Variants in GPM6B observed in about 807,000 individuals in gnomAD.
GPM6B encodes glycoprotein M6B, also known as neuronal membrane glycoprotein M6-b.
A neutral mutation model predicts 27.2 loss-of-function variants in GPM6B; 4 were observed. That is an observed-to-expected ratio of 0.15 (90% CI 0.07 to 0.34). The LOEUF (loss-of-function observed/expected upper bound fraction) is 0.34. Ranked by LOEUF, GPM6B falls within the 10% of genes least tolerant of loss-of-function variation. GPM6B has a pLI of 1.00. For missense variants in GPM6B, 183 were observed against 261.9 expected, an observed-to-expected ratio of 0.70 and a Z score of 2.08; for synonymous variants, 124 against 103.1, an observed-to-expected ratio of 1.20 and a Z score of -1.23.
At chrX:13,894,898 C>CCCCTATCTCTT (rs1398524971) in intron 1 of GPM6B, among the ~76,000 whole-genome samples, 1 of 111,867 alleles carries the variant, frequency 8.9e-6, no homozygotes, top group Non-Finnish European at 1.9e-5. Flanking sequence ...CCATACACTC[C>CCCCTATCTCTT]CCCTATCTCT....
At chrX:13,801,459 C>T (rs189692865) in intron 2 of GPM6B, among the ~76,000 whole-genome samples, 199 of 112,378 alleles carry the variant, frequency 1.8e-3, no homozygotes, top group Non-Finnish European at 3.2e-3. Context: ...CATTTTGACA[C>T]ACTTTGCAAA....
upstream of GPM6B, among the ~76,000 whole-genome samples, chrX:13,818,859 C>A (rs1481296372): frequency 8.9e-6 from 1 of 112,542 alleles, no homozygotes; most frequent in Non-Finnish European, 1.9e-5. Context: ...GCTTTCCCAG[C>A]AGTTCAAATG....
chrX:13,808,399 G>C (rs1242797540), intron 1 of GPM6B, among the ~76,000 whole-genome samples: 4 of 112,196 alleles, frequency 3.6e-5, no homozygotes, highest in African/African-American at 1.3e-4. Context: ...TCGAACCACT[G>C]CTTAATTACA....
At chrX:13,779,514 G>A (rs778198497) in intron 5 of GPM6B, among the ~76,000 whole-genome samples, 6 of 111,659 alleles carry the variant, frequency 5.4e-5, no homozygotes, top group Middle Eastern at 4.7e-3. Flanking sequence ...TTTTTGTAGC[G>A]GAGATCCAGA....
chrX:13,853,878 C>T (rs1263932191), intron 1 of GPM6B, among the ~76,000 whole-genome samples: 1 of 111,600 alleles, frequency 9.0e-6, no homozygotes, highest in Non-Finnish European at 1.9e-5. Flanking sequence ...TCTAGCCATC[C>T]TGAACCAGCC....
intron 2 of GPM6B, among the ~76,000 whole-genome samples, chrX:13,794,839 G>A (rs1000094085): frequency 4.5e-5 from 5 of 112,100 alleles, no homozygotes; most frequent in African/African-American, 9.7e-5. Context: ...CCACAAACCA[G>A]CGTGTGACAG....
intron 1 of GPM6B, among the ~76,000 whole-genome samples, chrX:13,905,077 A>T (rs2050316058): frequency 9.3e-6 from 1 of 107,800 alleles, no homozygotes; most frequent in African/African-American, 3.4e-5. Flanking sequence ...TCTACAATTA[A>T]AAAATTAGCC....
intron 1 of GPM6B, among the ~76,000 whole-genome samples, chrX:13,831,100 T>C (rs1441599366): frequency 9.2e-6 from 1 of 108,457 alleles, no homozygotes; most frequent in East Asian, 2.9e-4. Context: ...ATAAATAAGC[T>C]ATGGATACTA....
At chrX:13,776,066 A>G (rs755221876) in intron 7 of GPM6B, 172 bp downstream of exon 7, 1 of 472,917 alleles carries the variant, frequency 2.1e-6, no homozygotes, top group African/African-American at 2.4e-5. Context: ...AAGGCAACCA[A>G]CTAATACTTT....
At chrX:13,822,682 C>G (rs2049324801) in intron 1 of GPM6B, among the ~76,000 whole-genome samples, 1 of 110,992 alleles carries the variant, frequency 9.0e-6, no homozygotes, top group Non-Finnish European at 1.9e-5. Flanking sequence ...GGTCTTGTGA[C>G]TCCTATTTTC....
intron 1 of GPM6B, among the ~76,000 whole-genome samples, chrX:13,880,675 C>CAAAAAAAAAAAAAAAAAAAAAAAAAAA (rs57849359): frequency 2.1e-5 from 1 of 46,649 alleles, no homozygotes; most frequent in African/African-American, 1.2e-4. Flanking sequence ...GGCTCCATCT[C>CAAAAAAAAAAAAAAAAAAAAAAAAAAA]AAAAAAAAAA....
intron 1 of GPM6B, among the ~76,000 whole-genome samples, chrX:13,873,426 C>G (rs1351216206): frequency 1.8e-5 from 2 of 111,199 alleles, no homozygotes; most frequent in Non-Finnish European, 3.8e-5. Flanking sequence ...TCTCTGTTTC[C>G]CGATTCTTAA....
chrX:13,906,473 G>T (rs1469477812), intron 1 of GPM6B, among the ~76,000 whole-genome samples: 1 of 111,937 alleles, frequency 8.9e-6, no homozygotes, highest in Non-Finnish European at 1.9e-5. Flanking sequence ...AAGTATTGGA[G>T]ATTTGATACA....
chrX:13,783,390 G>A lies in GPM6B; in HGVS notation c.500C>T (p.Ala167Val), dbSNP rs1184324019. ...CATTCCACTGATGCATCGGCCACAA[G>A]CGGTTGTTTTAAACTCACCGTGCAG... is the stretch of plus-strand genomic sequence containing the variant. ...KELHGEFKTT[A>V]CGRCISGMFV... The change falls in exon 4 of 8, where the codon GCT becomes GTT. Residue 167 changes from alanine (A) to valine (V), a missense_variant. By Grantham distance (64) the Ala-to-Val change is moderately conservative (BLOSUM62 0). Transcript: ENST00000316715. The A allele has an allele frequency of 8.3e-7, 1 of 1,197,619 alleles. No individual in the cohort carries two copies. The highest frequency in any genetic ancestry group is 2.3e-5 in the Admixed American group (1 of 43,708).
intron 5 of GPM6B, among the ~76,000 whole-genome samples, chrX:13,778,471 C>A (rs2048457265): frequency 8.9e-6 from 1 of 112,319 alleles, no homozygotes; most frequent in Non-Finnish European, 1.9e-5. Context: ...GTCCAGTGGG[C>A]TGCTGCTTTT....
chrX:13,878,878 G>A lies in GPM6B; in HGVS notation c.-198+59449C>T, dbSNP rs192789517. 1.4e-3 allele frequency among the ~76,000 whole-genome samples: 158 copies of A among 111,819 alleles called. 1 individual carries two copies. The highest frequency in any genetic ancestry group is 0.014 in the Middle Eastern group (3 of 217). ...ACAGTTCCTGGCTTTGAAGATGTAG[G>A]AAAATGGCCACAAGCCAAAAAATGC... On this transcript the variant is annotated intron_variant, in intron 1 of 6. Coordinates refer to the GPM6B transcript ENST00000398361.
intron 1 of GPM6B, among the ~76,000 whole-genome samples, chrX:13,844,742 T>C (rs925990151): frequency 8.9e-6 from 1 of 111,863 alleles, no homozygotes; most frequent in African/African-American, 3.3e-5. Flanking sequence ...TGGTTGTCTA[T>C]AGCTACAAGT....
At chrX:13,816,647 G>T (rs915204529) in intron 1 of GPM6B, among the ~76,000 whole-genome samples, 197 bp downstream of exon 1, 1 of 111,218 alleles carries the variant, frequency 9.0e-6, no homozygotes, top group Non-Finnish European at 1.9e-5. Flanking sequence ...GAAAGATTTG[G>T]AACAGGAATG....
intron 1 of GPM6B, among the ~76,000 whole-genome samples, chrX:13,880,254 G>A (rs1467658612): frequency 1.8e-5 from 2 of 111,727 alleles, no homozygotes; most frequent in African/African-American, 6.5e-5. Context: ...GGTTGTTGTA[G>A]AGGAATCAGC....
Sources: gnomAD v4.1 joint callset for allele counts (sites outside exome capture counted in the v4.1 genomes callset) on GRCh38, gnomAD v4.1.1 for gene constraint, MANE v1.5 for transcripts, NCBI Gene and HGNC (gene_info 2026-07-23, HGNC 2026-07-21) for gene names.